Variants in CNTN5 observed in about 807,000 individuals in gnomAD.
The protein encoded by CNTN5 is contactin-5.
In CNTN5, 77 loss-of-function variants were observed where a neutral mutation model predicts 129.1. The observed-to-expected ratio is 0.60, with a 90% CI of 0.50 to 0.72. CNTN5 has a LOEUF of 0.72. CNTN5 is among the 30% of genes least tolerant of loss of function. The probability of loss-of-function intolerance (pLI) is 0.00; values close to 1 mark genes in which losing one functional copy is unlikely to be tolerated. For missense variants in CNTN5, 1,478 were observed against 1,328.8 expected (o/e 1.11, Z -1.75); for synonymous variants, 509 against 465.6 (o/e 1.09, Z -1.20).
At chr11:99,626,414 G>A (rs936815417) in intron 3 of CNTN5, among the ~76,000 whole-genome samples, 1 of 152,064 alleles carries the variant, frequency 6.6e-6, no homozygotes, top group Non-Finnish European at 1.5e-5. Context: ...AGTATTTATA[G>A]ATTTTTTTTG....
At chr11:99,082,298 G>A (rs1865835462) in intron 1 of CNTN5, among the ~76,000 whole-genome samples, 1 of 150,482 alleles carries the variant, frequency 6.6e-6, no homozygotes, top group Admixed American at 6.7e-5. Flanking sequence ...CTATTCTCCT[G>A]CCTCAGGCTG....
chr11:99,787,894 G>T (rs1359643964), intron 3 of CNTN5, among the ~76,000 whole-genome samples: 1 of 151,786 alleles, frequency 6.6e-6, no homozygotes, highest in Non-Finnish European at 1.5e-5. Flanking sequence ...ACCATATACG[G>T]ATCTGATTCC....
At chr11:99,123,409 G>A (rs568133917) in intron 1 of CNTN5, among the ~76,000 whole-genome samples, 52 of 151,760 alleles carry the variant, frequency 3.4e-4, no homozygotes, top group Non-Finnish European at 6.5e-4. Context: ...TTTTTTGCTT[G>A]TACATTTATT....
chr11:99,128,428 C>T (rs117323078), intron 1 of CNTN5, among the ~76,000 whole-genome samples: 1 of 152,122 alleles, frequency 6.6e-6, no homozygotes, highest in Admixed American at 6.5e-5. Context: ...TCTCACTGGG[C>T]AGGGCCTCAC....
intron 13 of CNTN5, among the ~76,000 whole-genome samples, chr11:100,160,589 G>GAACAGAAACTCCACTT (rs1321562045): frequency 1.3e-5 from 2 of 151,842 alleles, no homozygotes; most frequent in East Asian, 3.9e-4. Flanking sequence ...GAAATTCATT[G>GAACAGAAACTCCACTT]AACAGAAACT....
chr11:100,002,160 T>G, intron 9 of CNTN5, 24 bp downstream of exon 9: 1 of 1,379,226 alleles, frequency 7.3e-7, no homozygotes, highest in Non-Finnish European at 9.7e-7. Flanking sequence ...CTTCCATAAT[T>G]AAACACAATT....
rs116711529 is a variant in CNTN5, at chr11:99,456,955, G to T, written c.-70-99190G>T. ...GAACAAATGTTTGAGTATATTCTGT[G>T]TGTCAGGCAACGTGATAGATGCTTC... On this transcript the variant is annotated intron_variant, in intron 2 of 24. Transcript: ENST00000524871. Among the ~76,000 whole-genome samples the T allele has an allele frequency of 3.3e-3, 500 of 152,056 alleles. 7 individuals carry two copies. The highest frequency in any genetic ancestry group is 0.012 in the African/African-American group (481 of 41,536).
In CNTN5 at chr11:99,825,282, AT is replaced by A. The variant is rs201659385; in HGVS notation, c.277+5525del. Among the ~76,000 whole-genome samples the A allele has an allele frequency of 3.3e-5, 5 of 151,496 alleles. No individual in the cohort carries two copies. In the South Asian group the frequency reaches 1.0e-3, roughly 31 times the overall value. On this transcript the variant is annotated intron_variant, in intron 4 of 24. Transcript: ENST00000524871. ...TCTATATGTAATTCCTCTCTCTTGT[AT>A]TTTTTTTGCATCATATGCCTATTTC...
chr11:99,473,722 A>T (rs1014805758), intron 2 of CNTN5, among the ~76,000 whole-genome samples: 2 of 152,058 alleles, frequency 1.3e-5, no homozygotes, highest in Non-Finnish European at 2.9e-5. Context: ...GCACATTTCA[A>T]TTTAAACTCT....
chr11:99,033,100 G>A (rs1377291816), intron 1 of CNTN5, among the ~76,000 whole-genome samples: 3 of 149,222 alleles, frequency 2.0e-5, no homozygotes, highest in East Asian at 4.0e-4. Flanking sequence ...TTATTTCTGA[G>A]GGCTCTGTTC....
intron 1 of CNTN5, among the ~76,000 whole-genome samples, chr11:99,239,261 T>C (rs1346989435): frequency 1.3e-5 from 2 of 152,184 alleles, no homozygotes; most frequent in African/African-American, 4.8e-5. Flanking sequence ...AGAAATTAAA[T>C]TGAGATTTAG....
At chr11:99,588,069 C>A (rs1322076130) in intron 3 of CNTN5, among the ~76,000 whole-genome samples, 1 of 152,180 alleles carries the variant, frequency 6.6e-6, no homozygotes. Flanking sequence ...ACCGGCCGGG[C>A]GCAGTGGCTC....
At chr11:99,791,706 C>A (rs1271366146) in intron 3 of CNTN5, among the ~76,000 whole-genome samples, 1 of 152,226 alleles carries the variant, frequency 6.6e-6, no homozygotes, top group African/African-American at 2.4e-5. Flanking sequence ...TTGCTTTGGG[C>A]AGTTTGGCAT....
At chr11:99,264,134 A>G (rs949125254) in intron 1 of CNTN5, among the ~76,000 whole-genome samples, 3 of 151,818 alleles carry the variant, frequency 2.0e-5, no homozygotes, top group African/African-American at 7.2e-5. Context: ...AGCATAACTC[A>G]TGCTCACAGG....
At chr11:99,343,495 G>T (rs1731475303) in intron 2 of CNTN5, among the ~76,000 whole-genome samples, 1 of 152,084 alleles carries the variant, frequency 6.6e-6, no homozygotes, top group Non-Finnish European at 1.5e-5. Context: ...AGAAATCTTT[G>T]ATTTTTGTGA....
intron 9 of CNTN5, among the ~76,000 whole-genome samples, chr11:100,033,452 C>A (rs1348842878): frequency 2.0e-5 from 3 of 151,980 alleles, no homozygotes; most frequent in Non-Finnish European, 4.4e-5. Flanking sequence ...TATTTGTGAC[C>A]CCTTTCAGTC....
intron 9 of CNTN5, among the ~76,000 whole-genome samples, chr11:100,024,645 T>C (rs1425890090): frequency 2.0e-5 from 3 of 152,138 alleles, no homozygotes; most frequent in Middle Eastern, 3.2e-3. Context: ...CAGATGGAGA[T>C]GAGGAACTTG....
intron 2 of CNTN5, among the ~76,000 whole-genome samples, chr11:99,376,586 C>A (rs1940196840): frequency 1.3e-5 from 2 of 152,050 alleles, no homozygotes; most frequent in African/African-American, 4.8e-5. Flanking sequence ...TATCCTTGAC[C>A]CACTTTATCA....
chr11:99,629,509 G>A (rs1221125312), intron 3 of CNTN5, among the ~76,000 whole-genome samples: 1 of 151,854 alleles, frequency 6.6e-6, no homozygotes, highest in African/African-American at 2.4e-5. Flanking sequence ...CTTGTTCCTA[G>A]TCTATACAGT....
Sources: allele counts gnomAD v4.1 joint callset (sites outside exome capture counted in the v4.1 genomes callset), GRCh38; gene constraint gnomAD v4.1.1; transcripts MANE v1.5; gene names NCBI Gene and HGNC (gene_info 2026-07-23, HGNC 2026-07-21).